The following PTPRM variants were observed in gnomAD, a reference collection of about 807,000 sequenced individuals.
PTPRM encodes the protein receptor-type tyrosine-protein phosphatase mu.
PTPRM carries 47 observed loss-of-function variants against 186.7 expected under a neutral mutation model. The ratio of observed to expected loss-of-function variants is 0.25; its 90% CI spans 0.20 to 0.32. The LOEUF (loss-of-function observed/expected upper bound fraction) is 0.32, where lower values mean the gene tolerates loss of function less well. Ranked by LOEUF, PTPRM falls within the 10% of genes least tolerant of loss-of-function variation. The probability of loss-of-function intolerance (pLI) is 1.00; values close to 1 mark genes in which losing one functional copy is unlikely to be tolerated. For synonymous variants in PTPRM, 668 were observed against 674.9 expected (o/e 0.99, Z 0.16); for missense variants, 1,494 against 1,865.0 (o/e 0.80, Z 3.66).
At chr18:8,144,697 C>A (rs1273031035) in intron 14 of PTPRM, among the ~76,000 whole-genome samples, 1 of 152,224 alleles carries the variant, frequency 6.6e-6, no homozygotes, top group African/African-American at 2.4e-5. Context: ...TCCTCACCTC[C>A]CATACTTGAA....
At chr18:8,361,102 G>A (rs1343650785) in intron 23 of PTPRM, 1 of 152,192 alleles carries the variant, frequency 6.6e-6, no homozygotes, top group African/African-American at 2.4e-5. Flanking sequence ...CTAAGGAAGA[G>A]GGTGAGGGTG....
intron 14 of PTPRM, among the ~76,000 whole-genome samples, chr18:8,168,098 C>T (rs1340815442): frequency 3.9e-5 from 6 of 152,192 alleles, no homozygotes. Flanking sequence ...GTTTCTAGCG[C>T]TCAGTTAAAA....
rs371227331 is a variant in PTPRM, at chr18:8,049,710, G to GTT, written c.1133-19965_1133-19964dup. Among the ~76,000 whole-genome samples, 1,335 of 145,906 alleles carry GTT rather than the reference G, an allele frequency of 9.1e-3. 5 individuals are homozygous for GTT. Among genetic ancestry groups the GTT allele is most frequent in the Non-Finnish European group, 0.015 (969 of 66,770 alleles). ...ATGTGAGTCCATGAAAGTCTGTGAG[G>GTT]TTTTTTTTTTTTCTTTTTTGAGATG... On this transcript the variant is annotated intron_variant, in intron 7 of 32. Coordinates refer to ENST00000580170, the MANE Select transcript of PTPRM (RefSeq NM_001105244.2).
chr18:7,912,994 T>C (rs933190422), intron 4 of PTPRM, among the ~76,000 whole-genome samples: 1 of 152,240 alleles, frequency 6.6e-6, no homozygotes, highest in African/African-American at 2.4e-5. Context: ...GTCTTTCCTT[T>C]TATTGAAGTC....
At chr18:8,176,503 T>C (rs190799254) in intron 14 of PTPRM, among the ~76,000 whole-genome samples, 476 of 152,328 alleles carry the variant, frequency 3.1e-3, no homozygotes, top group African/African-American at 0.011. Context: ...TATGTATACA[T>C]ATGTAGGATT....
At chr18:8,316,393 C>T (rs971904645) in intron 21 of PTPRM, among the ~76,000 whole-genome samples, 3 of 152,090 alleles carry the variant, frequency 2.0e-5, no homozygotes, top group Non-Finnish European at 4.4e-5. Context: ...AAGCTTTAAC[C>T]GGTGAGTAAG....
chr18:8,269,505 C>T (rs1303887249), intron 19 of PTPRM, among the ~76,000 whole-genome samples: 1 of 151,590 alleles, frequency 6.6e-6, no homozygotes, highest in Non-Finnish European at 1.5e-5. Flanking sequence ...CATTGAAATT[C>T]CAATGGCATT....
intron 1 of PTPRM, among the ~76,000 whole-genome samples, chr18:7,705,168 T>A (rs1320551512): frequency 6.6e-6 from 1 of 152,118 alleles, no homozygotes; most frequent in African/African-American, 2.4e-5. Flanking sequence ...AAAGAACATG[T>A]TCAATGAAAT....
chr18:7,960,186 C>T (rs140499350), intron 7 of PTPRM, among the ~76,000 whole-genome samples: 261 of 151,970 alleles, frequency 1.7e-3, no homozygotes, highest in African/African-American at 6.1e-3. Flanking sequence ...CAGGAGCTAA[C>T]GAAGGATTAT....
intron 2 of PTPRM, among the ~76,000 whole-genome samples, chr18:7,840,089 G>C (rs994650965): frequency 7.5e-6 from 1 of 133,894 alleles, no homozygotes; most frequent in African/African-American, 3.0e-5. Flanking sequence ...GGTGGAGGTG[G>C]GGGGGGAGGG....
chr18:8,234,988 A>G (rs1022180028), intron 14 of PTPRM, among the ~76,000 whole-genome samples: 2 of 152,114 alleles, frequency 1.3e-5, no homozygotes. Context: ...TCAATTTGCT[A>G]TACTCTGTTG....
chr18:7,952,331 A>T (rs924925465), intron 6 of PTPRM, among the ~76,000 whole-genome samples: 2 of 152,216 alleles, frequency 1.3e-5, no homozygotes, highest in African/African-American at 4.8e-5. Flanking sequence ...CACTTTGTAC[A>T]GATTAAGATT....
At chr18:7,823,988 T>A (rs2045348522) in intron 2 of PTPRM, among the ~76,000 whole-genome samples, 1 of 152,186 alleles carries the variant, frequency 6.6e-6, no homozygotes, top group Non-Finnish European at 1.5e-5. Flanking sequence ...GATGGATCTG[T>A]CTTTATTGGC....
intron 2 of PTPRM, among the ~76,000 whole-genome samples, chr18:7,813,175 G>A (rs892694129): frequency 2.6e-5 from 4 of 152,188 alleles, no homozygotes; most frequent in African/African-American, 7.2e-5. Context: ...ATGAAAGTAC[G>A]AGGGATAAAT....
At chr18:7,753,343 G>A (rs2041314607) in intron 1 of PTPRM, among the ~76,000 whole-genome samples, 2 of 151,938 alleles carry the variant, frequency 1.3e-5, no homozygotes, top group African/African-American at 4.8e-5. Context: ...TATATGTATA[G>A]ATATATTTAT....
rs149441076 is a variant in PTPRM at position 7,924,399 on chromosome 18, G to T, written c.548-2169G>T. On this transcript the variant is annotated intron_variant, in intron 4 of 32. Transcript: ENST00000580170. ...GTTTAAATTTCCTTGACAAGAAACAGCTTTTGGCTTCTAATATATTCCTAT... is the reference window on the plus strand; with the variant it reads ...GTTTAAATTTCCTTGACAAGAAACATCTTTTGGCTTCTAATATATTCCTAT... Among the ~76,000 whole-genome samples, 550 of 152,226 alleles carry T rather than the reference G, an allele frequency of 3.6e-3. 3 individuals carry two copies. The highest frequency in any genetic ancestry group is 0.013 in the African/African-American group (533 of 41,536).
chr18:8,278,131 T>C (rs930022531), intron 19 of PTPRM, among the ~76,000 whole-genome samples: 4 of 152,234 alleles, frequency 2.6e-5, no homozygotes, highest in Admixed American at 6.5e-5. Flanking sequence ...CCTAAGAAAC[T>C]ACCTAAATTG....
At chr18:7,949,763 T>C (rs1457401597) in intron 6 of PTPRM, among the ~76,000 whole-genome samples, 2 of 152,178 alleles carry the variant, frequency 1.3e-5, no homozygotes, top group African/African-American at 2.4e-5. Flanking sequence ...ATAAACATGC[T>C]CAGTCATATC....
intron 1 of PTPRM, among the ~76,000 whole-genome samples, chr18:7,619,361 T>C (rs1197509946): frequency 1.3e-5 from 2 of 152,170 alleles, no homozygotes; most frequent in Admixed American, 1.3e-4. Flanking sequence ...GAACTTTCAC[T>C]TGGGATTGAC....
Sources: allele counts gnomAD v4.1 joint callset (sites outside exome capture counted in the v4.1 genomes callset), GRCh38; gene constraint gnomAD v4.1.1; transcripts MANE v1.5; gene names NCBI Gene and HGNC (gene_info 2026-07-23, HGNC 2026-07-21).